ADAMTS16: variants seen among roughly 807,000 people sequenced by gnomAD.
ADAMTS16 encodes the protein ADAM metallopeptidase with thrombospondin type 1 motif 16, also known as A disintegrin and metalloproteinase with thrombospondin motifs 16.
A neutral mutation model predicts 145.8 loss-of-function variants in ADAMTS16; 94 were observed. The observed-to-expected ratio is 0.64, with a 90% CI of 0.55 to 0.77. ADAMTS16 has a LOEUF of 0.77. Among genes scored for constraint, ADAMTS16 ranks in the 30% least tolerant of loss-of-function variants. The probability of loss-of-function intolerance (pLI) is 0.00; values close to 1 mark genes in which losing one functional copy is unlikely to be tolerated. For missense variants in ADAMTS16, 1,585 were observed against 1,591.5 expected (o/e 1.00, Z 0.07); for synonymous variants, 659 against 604.3 (o/e 1.09, Z -1.33).
At chr5:5,181,938 G>C in intron 3 of ADAMTS16, 106 bp from the exon 4 acceptor site, 3 of 1,310,862 alleles carry the variant, frequency 2.3e-6, no homozygotes, top group Non-Finnish European at 3.1e-6. Context: ...GGAGGGAACA[G>C]CATGCTTCCA....
chr5:5,252,479 G>A (rs1737658726), intron 17 of ADAMTS16, among the ~76,000 whole-genome samples: 1 of 152,038 alleles, frequency 6.6e-6, no homozygotes, highest in Admixed American at 6.5e-5. Flanking sequence ...GAGTGTAGAC[G>A]CCTTAGTGCA....
chr5:5,277,573 C>G (rs1342309463), intron 18 of ADAMTS16, among the ~76,000 whole-genome samples: 1 of 152,214 alleles, frequency 6.6e-6, no homozygotes, highest in Non-Finnish European at 1.5e-5. Context: ...TCTCTCAGCT[C>G]CAGCCACCCA....
intron 1 of ADAMTS16, 52 bp from the exon 2 acceptor site, chr5:5,140,612 C>T: frequency 2.6e-6 from 4 of 1,523,062 alleles, no homozygotes; most frequent in Non-Finnish European, 3.5e-6. Context: ...CCCGCGGCTC[C>T]TCTCCCGCGG....
chr5:5,256,799 C>A (rs867963839), intron 17 of ADAMTS16, among the ~76,000 whole-genome samples: 2 of 152,036 alleles, frequency 1.3e-5, no homozygotes, highest in Non-Finnish European at 2.9e-5. Flanking sequence ...AAACAGGAAA[C>A]CAAACTGAAG....
intron 3 of ADAMTS16, among the ~76,000 whole-genome samples, chr5:5,180,034 C>G (rs1735296661): frequency 6.6e-6 from 1 of 152,168 alleles, no homozygotes; most frequent in Non-Finnish European, 1.5e-5. Context: ...TCACACTGTA[C>G]AAATGTCTGG....
intron 20 of ADAMTS16, among the ~76,000 whole-genome samples, chr5:5,306,132 C>T (rs59755226): frequency 6.6e-6 from 1 of 152,068 alleles, no homozygotes; most frequent in Non-Finnish European, 1.5e-5. Context: ...ACTGCATTTG[C>T]GTGGGTTAAT....
At position 5,303,421 on chromosome 5, in the gene ADAMTS16, C is replaced by A. The variant is rs764124351; in HGVS notation, c.2943C>A (p.Cys981Ter). ...CTGCTCCCTCCAGCAGGCAGGCCTGCAACTCTCAGAGCTGCCCACCTGCAT... is the reference window on the plus strand; with the variant it reads ...CTGCTCCCTCCAGCAGGCAGGCCTGAAACTCTCAGAGCTGCCCACCTGCAT... ...PQPAPSSRQACNSQSCPPAWS... is the reference protein window; with the variant it reads ...PQPAPSSRQA Residue 981 changes from cysteine (C) to a stop codon, truncating the protein, a stop_gained, in exon 19 of 23, where the codon TGC becomes TGA. Coordinates refer to ENST00000274181, the MANE Select transcript of ADAMTS16 (RefSeq NM_139056.4). LOFTEE classifies it high-confidence loss of function. 1 of 1,610,038 alleles carries A rather than the reference C, an allele frequency of 6.2e-7. No homozygotes were observed.
At chr5:5,169,684 C>T (rs1734996364) in intron 3 of ADAMTS16, among the ~76,000 whole-genome samples, 1 of 152,162 alleles carries the variant, frequency 6.6e-6, no homozygotes, top group Non-Finnish European at 1.5e-5. Flanking sequence ...GCTGCATGTT[C>T]ATAGACCATT....
intron 9 of ADAMTS16, 59 bp from the exon 10 acceptor site, chr5:5,209,034 G>T: frequency 1.3e-6 from 2 of 1,539,114 alleles, no homozygotes; most frequent in South Asian, 1.3e-5. Flanking sequence ...ATAATTAGTT[G>T]TAAGTCCTTT....
intron 9 of ADAMTS16, among the ~76,000 whole-genome samples, chr5:5,204,268 T>C (rs1358785332): frequency 6.6e-6 from 1 of 152,212 alleles, no homozygotes; most frequent in Non-Finnish European, 1.5e-5. Flanking sequence ...GAAAGGGATT[T>C]TGAAATGTTG....
chr5:5,247,720 G>A lies in ADAMTS16; in HGVS notation c.2662+5529G>A, dbSNP rs113068407. ...CAAATTTGGAGCCCTAAAAATGGGCGATTACTGCCTATATCCAGATGGGCT... is the reference window on the plus strand; with the variant it reads ...CAAATTTGGAGCCCTAAAAATGGGCAATTACTGCCTATATCCAGATGGGCT... On this transcript the variant is annotated intron_variant, in intron 17 of 22. Transcript: ENST00000274181. Among the ~76,000 whole-genome samples, 1,481 of 152,328 alleles carry A rather than the reference G, an allele frequency of 9.7e-3. 14 individuals carry two copies. Among genetic ancestry groups the A allele is most frequent in the Non-Finnish European group, 0.014 (979 of 68,036 alleles).
chr5:5,158,208 C>A (rs1734649619), intron 3 of ADAMTS16, among the ~76,000 whole-genome samples: 1 of 152,152 alleles, frequency 6.6e-6, no homozygotes, highest in Non-Finnish European at 1.5e-5. Flanking sequence ...GCATTTACCC[C>A]TCCCTCTCAA....
At chr5:5,174,446 A>T (rs1443441033) in intron 3 of ADAMTS16, among the ~76,000 whole-genome samples, 5 of 151,754 alleles carry the variant, frequency 3.3e-5, no homozygotes, top group Non-Finnish European at 7.4e-5. Context: ...TTTGGGTTAA[A>T]TCTGTTTGAT....
chr5:5,140,395 G>T lies in ADAMTS16; in HGVS notation c.-73G>T, dbSNP rs1734118672. The T allele has an allele frequency of 1.4e-6, 2 of 1,426,258 alleles. No individual in the cohort carries two copies. The allele number at this position is 1,426,258 out of a possible 1,614,324, so 88.4% of individuals were successfully genotyped here. Reference sequence around the variant, plus strand: ...TCCTCCCGCGCTCTGCCTGGGTCGGGTCCTCCCTGCCCGCTCGCACGCTGC... The same window carrying T: ...TCCTCCCGCGCTCTGCCTGGGTCGGTTCCTCCCTGCCCGCTCGCACGCTGC... On this transcript the variant is annotated 5_prime_UTR_variant, in exon 1 of 23. Coordinates refer to ENST00000274181, the MANE Select transcript of ADAMTS16 (RefSeq NM_139056.4).
At chr5:5,205,309 G>GA (rs1245535691) in intron 9 of ADAMTS16, among the ~76,000 whole-genome samples, 4 of 146,090 alleles carry the variant, frequency 2.7e-5, no homozygotes, top group African/African-American at 1.0e-4. Flanking sequence ...TACACTGCTG[G>GA]AAAAAAAGAA....
chr5:5,296,287 C>G (rs1231570351), intron 18 of ADAMTS16, among the ~76,000 whole-genome samples: 1 of 152,206 alleles, frequency 6.6e-6, no homozygotes, highest in Non-Finnish European at 1.5e-5. Context: ...ACCAGACAGC[C>G]TGCTCCACAG....
rs1000318443 is a variant in ADAMTS16 at position 5,319,596 on chromosome 5, G to A, written c.*458G>A. The A allele has an allele frequency of 2.3e-5, 7 of 298,618 alleles. No individual in the cohort carries two copies. Among genetic ancestry groups the A allele is most frequent in the East Asian group, 2.1e-4 (2 of 9,684 alleles). The allele number at this position is 298,618 out of a possible 1,614,324, so 18.5% of individuals were successfully genotyped here. The stretch of plus-strand genomic sequence containing the variant: ...TCCCCTCCCACTAGGAGGGCCCCTC[G>A]AGCCATCAGGAGTGACCAACTTCCT... On this transcript the variant is annotated 3_prime_UTR_variant, in exon 23 of 23. Transcript: ENST00000274181.
intron 11 of ADAMTS16, among the ~76,000 whole-genome samples, chr5:5,227,122 C>T (rs955269129): frequency 9.9e-5 from 15 of 152,228 alleles, no homozygotes; most frequent in Admixed American, 6.5e-4. Context: ...AAGAGGACAC[C>T]GGGCTCAGAG....
chr5:5,153,398 T>C (rs1330242331), intron 3 of ADAMTS16, among the ~76,000 whole-genome samples: 2 of 152,212 alleles, frequency 1.3e-5, no homozygotes, highest in Non-Finnish European at 2.9e-5. Context: ...TAACCTAAAT[T>C]CATTTTGTTC....
Sources: gnomAD v4.1 joint callset for allele counts (sites outside exome capture counted in the v4.1 genomes callset) on GRCh38, gnomAD v4.1.1 for gene constraint, MANE v1.5 for transcripts, NCBI Gene and HGNC (gene_info 2026-07-23, HGNC 2026-07-21) for gene names.